Variants in PAX5 observed in about 807,000 individuals in gnomAD.
PAX5 encodes the protein paired box protein Pax-5.
PAX5 carries 9 observed loss-of-function variants against 43.7 expected under a neutral mutation model. The ratio of observed to expected loss-of-function variants is 0.21; its 90% CI spans 0.12 to 0.36. The LOEUF (loss-of-function observed/expected upper bound fraction) is 0.36. PAX5 is among the 10% of genes least tolerant of loss of function. The probability of loss-of-function intolerance (pLI) is 1.00; values close to 1 mark genes in which losing one functional copy is unlikely to be tolerated. For synonymous variants in PAX5, 228 were observed against 214.3 expected, an observed-to-expected ratio of 1.06 and a Z score of -0.56; for missense variants, 383 against 532.7, an observed-to-expected ratio of 0.72 and a Z score of 2.77.
intron 8 of PAX5, among the ~76,000 whole-genome samples, chr9:36,879,545 C>A (rs1385406703): frequency 2.0e-5 from 3 of 152,178 alleles, no homozygotes; most frequent in Non-Finnish European, 4.4e-5. Flanking sequence ...GGAAGAAGTG[C>A]CTCCCTGGGT....
At chr9:36,864,835 G>A (rs1032998253) in intron 8 of PAX5, among the ~76,000 whole-genome samples, 13 of 152,194 alleles carry the variant, frequency 8.5e-5, no homozygotes, top group South Asian at 2.1e-4. Flanking sequence ...GGCCGGCGCC[G>A]GAGCCGGGCT....
At chr9:37,032,631 A>C (rs2132581241) in intron 1 of PAX5, among the ~76,000 whole-genome samples, 1 of 152,178 alleles carries the variant, frequency 6.6e-6, no homozygotes, top group East Asian at 1.9e-4. Context: ...TTAGGCTTGT[A>C]TTTGAGGCTG....
intron 6 of PAX5, among the ~76,000 whole-genome samples, chr9:36,938,451 A>G (rs1563988214): frequency 6.6e-6 from 1 of 152,152 alleles, no homozygotes; most frequent in Non-Finnish European, 1.5e-5. Flanking sequence ...TCTTTCCCAC[A>G]AATCAAAGCT....
At chr9:37,033,742 C>T (rs1304506033) in intron 1 of PAX5, among the ~76,000 whole-genome samples, 2 of 152,146 alleles carry the variant, frequency 1.3e-5, no homozygotes, top group Non-Finnish European at 2.9e-5. Context: ...ACTTGCAGAC[C>T]CCCGGAAGGA....
intron 6 of PAX5, among the ~76,000 whole-genome samples, chr9:36,965,812 C>A (rs1834378429): frequency 6.6e-6 from 1 of 152,178 alleles, no homozygotes; most frequent in Non-Finnish European, 1.5e-5. Flanking sequence ...CCCTGGCACA[C>A]ACTGGGTGTC....
chr9:36,961,418 G>C lies in PAX5; in HGVS notation c.780+5131C>G, dbSNP rs1833964496. Among the ~76,000 whole-genome samples, 3 of 152,254 alleles carry C rather than the reference G, an allele frequency of 2.0e-5. No individual in the cohort carries two copies. The South Asian group carries it at 6.2e-4, about 31-fold the overall frequency. On this transcript the variant is annotated intron_variant, in intron 6 of 9. Coordinates refer to ENST00000358127, the MANE Select transcript of PAX5 (RefSeq NM_016734.3). ...TCTCTCTGTCTCTGGCCCAATGGGA[G>C]GGAGGGCCCTGGCCCGTTCCATTTT...
intron 1 of PAX5, among the ~76,000 whole-genome samples, chr9:37,030,609 G>C (rs1268831234): frequency 6.6e-6 from 1 of 152,242 alleles, no homozygotes; most frequent in African/African-American, 2.4e-5. Context: ...ACCGCGAAAG[G>C]AAACTATCCA....
At chr9:37,031,723 A>G (rs1368938399) in intron 1 of PAX5, among the ~76,000 whole-genome samples, 4 of 152,138 alleles carry the variant, frequency 2.6e-5, no homozygotes, top group Non-Finnish European at 5.9e-5. Context: ...AGCAAGGAAG[A>G]CATTAGAGGA....
chr9:36,858,067 T>C (rs1469677511), intron 8 of PAX5, among the ~76,000 whole-genome samples: 1 of 152,204 alleles, frequency 6.6e-6, no homozygotes, highest in Non-Finnish European at 1.5e-5. Flanking sequence ...CTCGAAGAAG[T>C]CTCCTGAATC....
intron 6 of PAX5, among the ~76,000 whole-genome samples, chr9:36,936,500 C>T (rs890918332): frequency 1.3e-5 from 2 of 152,144 alleles, no homozygotes; most frequent in Admixed American, 1.3e-4. Context: ...GGCAGGGAGG[C>T]CATTACCTCC....
At chr9:36,924,956 A>T (rs749349539) in intron 6 of PAX5, among the ~76,000 whole-genome samples, 13 of 151,980 alleles carry the variant, frequency 8.6e-5, no homozygotes, top group Non-Finnish European at 1.8e-4. Context: ...TGGAGGACAC[A>T]CCCATGTTGG....
chr9:36,858,559 C>T (rs1334931913), intron 8 of PAX5, among the ~76,000 whole-genome samples: 1 of 152,120 alleles, frequency 6.6e-6, no homozygotes, highest in African/African-American at 2.4e-5. Context: ...AATCCCATAC[C>T]TTTTAAAAAT....
At chr9:36,943,529 T>TTCAC (rs35815065) in intron 6 of PAX5, among the ~76,000 whole-genome samples, 3,052 of 145,978 alleles carry the variant, frequency 0.021, 82 homozygotes, top group African/African-American at 0.055. Context: ...TAGTTCAACA[T>TTCAC]ACACACACAC....
chr9:36,900,144 A>G (rs555635690), intron 7 of PAX5, among the ~76,000 whole-genome samples: 20 of 152,360 alleles, frequency 1.3e-4, no homozygotes, highest in African/African-American at 4.8e-4. Context: ...TTAAGAGTTC[A>G]GGCTTCTTGA....
intron 5 of PAX5, among the ~76,000 whole-genome samples, chr9:36,996,339 C>T (rs555453243): frequency 1.3e-5 from 2 of 152,366 alleles, no homozygotes; most frequent in Non-Finnish European, 1.5e-5. Flanking sequence ...CAACTCTATT[C>T]GCCAGATAAC....
intron 4 of PAX5, 116 bp from the exon 5 acceptor site, chr9:37,002,892 G>A (rs894098548): frequency 4.4e-5 from 57 of 1,288,168 alleles, no homozygotes; most frequent in Non-Finnish European, 5.9e-5. Flanking sequence ...GTGGGCAGGG[G>A]GCGCTGAGGA....
At chr9:36,993,343 T>G (rs931124571) in intron 5 of PAX5, among the ~76,000 whole-genome samples, 8 of 152,334 alleles carry the variant, frequency 5.3e-5, no homozygotes, top group African/African-American at 1.7e-4. Flanking sequence ...TAATTAACCC[T>G]CATAAACTAA....
chr9:37,027,924 A>G (rs1406311379), intron 1 of PAX5, among the ~76,000 whole-genome samples: 1 of 152,232 alleles, frequency 6.6e-6, no homozygotes, highest in Non-Finnish European at 1.5e-5. Context: ...GTTCATTGAC[A>G]AACGCGCTGG....
intron 5 of PAX5, among the ~76,000 whole-genome samples, chr9:36,988,990 C>T (rs376303297): frequency 6.6e-6 from 1 of 152,180 alleles, no homozygotes; most frequent in Admixed American, 6.5e-5. Flanking sequence ...AAAGGCAAGG[C>T]TCAAACCCCA....
Sources: gnomAD v4.1 joint callset for allele counts (sites outside exome capture counted in the v4.1 genomes callset) on GRCh38, gnomAD v4.1.1 for gene constraint, MANE v1.5 for transcripts, NCBI Gene and HGNC (gene_info 2026-07-23, HGNC 2026-07-21) for gene names.